The following TMEM178B variants were observed in gnomAD, a reference collection of about 807,000 sequenced individuals.
The protein encoded by TMEM178B is transmembrane protein 178B.
A neutral mutation model predicts 31.0 loss-of-function variants in TMEM178B; 5 were observed. The observed-to-expected ratio is 0.16, with a 90% CI of 0.08 to 0.34. The LOEUF (loss-of-function observed/expected upper bound fraction) is 0.34, where lower values mean the gene tolerates loss of function less well. Ranked by LOEUF, TMEM178B falls within the 10% of genes least tolerant of loss-of-function variation. TMEM178B has a pLI of 1.00. For missense variants in TMEM178B, 275 were observed against 400.3 expected (o/e 0.69, Z 2.67); for synonymous variants, 164 against 164.0 (o/e 1.00, Z 0.00).
chr7:141,236,961 G>A (rs1797537662), intron 2 of TMEM178B, among the ~76,000 whole-genome samples: 1 of 152,190 alleles, frequency 6.6e-6, no homozygotes, highest in Non-Finnish European at 1.5e-5. Flanking sequence ...TAGATTCAGA[G>A]CCCAATAAAT....
At chr7:141,441,437 G>A (rs553435498) in intron 3 of TMEM178B, among the ~76,000 whole-genome samples, 1 of 152,328 alleles carries the variant, frequency 6.6e-6, no homozygotes, top group Admixed American at 6.5e-5. Context: ...ATCACAAAGT[G>A]GGACAGAAAG....
At chr7:141,195,850 C>T (rs985091288) in intron 1 of TMEM178B, among the ~76,000 whole-genome samples, 1 of 152,182 alleles carries the variant, frequency 6.6e-6, no homozygotes, top group Non-Finnish European at 1.5e-5. Flanking sequence ...TCTTACGTGG[C>T]AGCAGCAAGA....
intron 2 of TMEM178B, among the ~76,000 whole-genome samples, chr7:141,383,223 T>C (rs774530180): frequency 6.7e-6 from 1 of 150,256 alleles, no homozygotes; most frequent in African/African-American, 2.5e-5. Flanking sequence ...ATAATTCTTT[T>C]TTTTTTAAAT....
At chr7:141,243,914 A>AC (rs1424435367) in intron 2 of TMEM178B, among the ~76,000 whole-genome samples, 1 of 152,108 alleles carries the variant, frequency 6.6e-6, no homozygotes, top group Non-Finnish European at 1.5e-5. Flanking sequence ...ACCACTGAAT[A>AC]CCCCTGTGTA....
Position 141,074,786 on chromosome 7 carries a change from A to G in TMEM178B, c.382+94A>G. On this transcript the variant is annotated intron_variant, in intron 1 of 3. Transcript: ENST00000565468. This position sits in a 1 kb window ranked among gnomAD's most constrained non-coding sequence, Gnocchi z 5.1. ...TCTCCTTCCCAGGCCACAGGCTATC[A>G]GGTCTCTGGGTTCCAGGCGGTCCGG... The G allele has an allele frequency of 2.1e-6, 3 of 1,422,076 alleles. No homozygotes were observed. The highest frequency in any genetic ancestry group is 2.8e-6 in the Non-Finnish European group (3 of 1,088,622). The allele number at this position is 1,422,076 out of a possible 1,614,324, so 88.1% of individuals were successfully genotyped here.
At chr7:141,507,713 C>T in the TMEM178B span, among the ~76,000 whole-genome samples, 3 of 152,222 alleles carry the variant, frequency 2.0e-5, no homozygotes, top group Non-Finnish European at 4.4e-5. Flanking sequence ...AGGCTCAACA[C>T]CACATGGAAG....
intron 2 of TMEM178B, among the ~76,000 whole-genome samples, chr7:141,434,690 G>A: frequency 6.6e-6 from 1 of 152,114 alleles, no homozygotes; most frequent in East Asian, 1.9e-4. Context: ...GCTAACTGTA[G>A]TTACCCTACT....
At chr7:141,411,641 C>T (rs144820733) in intron 2 of TMEM178B, among the ~76,000 whole-genome samples, 21 of 152,264 alleles carry the variant, frequency 1.4e-4, no homozygotes, top group African/African-American at 4.8e-4. Flanking sequence ...GTTTGTTTGG[C>T]GCATTCAATT....
chr7:141,200,876 G>A (rs1427831072), intron 1 of TMEM178B, among the ~76,000 whole-genome samples: 1 of 152,088 alleles, frequency 6.6e-6, no homozygotes, highest in African/African-American at 2.4e-5. Context: ...TGTGTGTTTG[G>A]GTAGAGTTCT....
chr7:141,258,339 T>C (rs2116354590), intron 2 of TMEM178B, among the ~76,000 whole-genome samples: 1 of 152,220 alleles, frequency 6.6e-6, no homozygotes, highest in East Asian at 1.9e-4. Context: ...AGCTGATGAG[T>C]TAAAAAAAAT....
chr7:141,453,593 AGT>A (rs1275742794), intron 3 of TMEM178B, among the ~76,000 whole-genome samples: 2 of 152,248 alleles, frequency 1.3e-5, no homozygotes, highest in Non-Finnish European at 2.9e-5. Context: ...GCCCATGACA[AGT>A]GCTATAACAG....
At chr7:141,287,791 G>C (rs1035249165) in intron 2 of TMEM178B, among the ~76,000 whole-genome samples, 7 of 152,284 alleles carry the variant, frequency 4.6e-5, no homozygotes, top group African/African-American at 1.4e-4. Flanking sequence ...GAAGCCAACT[G>C]TTCTCCTATT....
At chr7:141,396,589 G>C (rs1039097915) in intron 2 of TMEM178B, among the ~76,000 whole-genome samples, 3 of 152,140 alleles carry the variant, frequency 2.0e-5, no homozygotes, top group Non-Finnish European at 4.4e-5. Context: ...CCCACGCTTG[G>C]GCTGACCACT....
At position 141,291,222 on chromosome 7, in the gene TMEM178B, C is replaced by T. The variant is rs217019; in HGVS notation, c.496+78518C>T. Among the ~76,000 whole-genome samples, 962 of 152,206 alleles carry T rather than the reference C, an allele frequency of 6.3e-3. 4 individuals are homozygous for T. Among genetic ancestry groups the T allele is most frequent in the Middle Eastern group, 0.017 (5 of 294 alleles). ...TGCAGCTGGAGGAGTGTTCTGTACT[C>T]GATTACCTCAACCAAAATGACTTCC... On this transcript the variant is annotated intron_variant, in intron 2 of 3. Coordinates refer to ENST00000565468, the MANE Select transcript of TMEM178B (RefSeq NM_001195278.2).
chr7:141,245,870 G>T (rs938143037), intron 2 of TMEM178B, among the ~76,000 whole-genome samples: 12 of 152,190 alleles, frequency 7.9e-5, no homozygotes, highest in African/African-American at 2.7e-4. Context: ...ATGTTATTGT[G>T]TGGAGACAGA....
At chr7:141,505,310 A>T in the TMEM178B span, among the ~76,000 whole-genome samples, 1 of 152,258 alleles carries the variant, frequency 6.6e-6, no homozygotes, top group Non-Finnish European at 1.5e-5. Context: ...TGGTCATAGT[A>T]AAGACTGCAG....
intron 1 of TMEM178B, among the ~76,000 whole-genome samples, chr7:141,191,315 C>T (rs1200761681): frequency 6.6e-6 from 1 of 152,178 alleles, no homozygotes; most frequent in Non-Finnish European, 1.5e-5. Context: ...AATGAATAAC[C>T]TTGTACATCT....
At chr7:141,492,133 G>A in the TMEM178B span, among the ~76,000 whole-genome samples, 1 of 151,998 alleles carries the variant, frequency 6.6e-6, no homozygotes, top group African/African-American at 2.4e-5. Flanking sequence ...GCACTAATCT[G>A]ACACCACCTC....
rs764825052 is a variant in TMEM178B, at chr7:141,474,120, G to C, written c.*3334G>C. 1 of 152,142 alleles carries C rather than the reference G, an allele frequency of 6.6e-6. No homozygotes were observed. Among genetic ancestry groups the C allele is most frequent in the Non-Finnish European group, 1.5e-5 (1 of 68,036 alleles). The allele number at this position is 152,142 out of a possible 1,614,324, so 9.4% of individuals were successfully genotyped here. On this transcript the variant is annotated 3_prime_UTR_variant, in exon 4 of 4. Transcript: ENST00000565468. Reference sequence around the variant, plus strand: ...TGGCATATGAACATGTATGTGCTTTGAGCTCCATGCAAGTCAACCTTGAGC... The same window carrying C: ...TGGCATATGAACATGTATGTGCTTTCAGCTCCATGCAAGTCAACCTTGAGC...
Sources: allele counts gnomAD v4.1 joint callset (sites outside exome capture counted in the v4.1 genomes callset), GRCh38; gene constraint gnomAD v4.1.1; non-coding constraint Gnocchi (gnomAD v3.1); transcripts MANE v1.5; gene names NCBI Gene and HGNC (gene_info 2026-07-23, HGNC 2026-07-21).